Variants in ELL2 observed in about 807,000 individuals in gnomAD.
ELL2 encodes the protein elongation factor for RNA polymerase II 2, also known as RNA polymerase II elongation factor ELL2.
ELL2 carries 21 observed loss-of-function variants against 72.8 expected under a neutral mutation model. That is an observed-to-expected ratio of 0.29 (90% CI 0.20 to 0.42). The LOEUF is 0.42. Ranked by LOEUF, ELL2 falls within the 10% of genes least tolerant of loss-of-function variation. The pLI, the probability that ELL2 is intolerant of heterozygous loss-of-function variation, is 1.00. For missense variants in ELL2, 568 were observed against 772.8 expected, an observed-to-expected ratio of 0.73 and a Z score of 3.14; for synonymous variants, 266 against 283.2, an observed-to-expected ratio of 0.94 and a Z score of 0.61.
At chr5:95,930,270 G>A (rs10043782) in intron 2 of ELL2, among the ~76,000 whole-genome samples, 1 of 152,094 alleles carries the variant, frequency 6.6e-6, no homozygotes, top group African/African-American at 2.4e-5. Flanking sequence ...CTTGAGCAAC[G>A]TTCTTTTGCA....
At position 95,906,574 on chromosome 5, in the gene ELL2, T is replaced by C. The variant is rs201293119; in HGVS notation, c.690A>G (p.Lys230=). The change falls in exon 5 of 12, where the codon AAA becomes AAG. Residue 230 remains lysine (K), a synonymous_variant. Transcript: ENST00000237853. ...TCTTGTCTTTTTGATTGACACCATC[T>C]TTCTGGAGTCTAGCAAGTAGCTCCG... is the stretch of plus-strand genomic sequence containing the variant. The part of the protein sequence containing the change: ...KKPELLARLQ[K]DGVNQKDKNS... 48 of 1,614,078 alleles carry C rather than the reference T, an allele frequency of 3.0e-5. 1 individual carries two copies. In the Admixed American group the frequency reaches 4.7e-4, roughly 16 times the overall value.
At position 95,932,534 on chromosome 5, in the gene ELL2, A is replaced by G. The variant is rs575778515; in HGVS notation, c.195+10468T>C. ...TGCTTATCTTTTAGATAGTTATTTA[A>G]TTCTGCTAGGAGGTAGAACCACATA... On this transcript the variant is annotated intron_variant, in intron 2 of 11. Transcript: ENST00000237853. 2.6e-5 allele frequency: 4 copies of G among 152,338 alleles called. No homozygotes were observed. In the East Asian group the frequency reaches 7.7e-4, roughly 29 times the overall value. 9.4% of individuals were successfully genotyped at this position (152,338 alleles called of 1,614,324 possible). A position where few individuals can be genotyped will look rare whatever the true frequency, so the allele number is the denominator to read the frequency against.
intron 2 of ELL2, among the ~76,000 whole-genome samples, chr5:95,934,830 G>A (rs532027774): frequency 4.6e-5 from 7 of 152,062 alleles, no homozygotes; most frequent in Admixed American, 2.0e-4. Context: ...TATGTTTCTC[G>A]AACAATTAGG....
intron 9 of ELL2, among the ~76,000 whole-genome samples, chr5:95,892,577 G>A (rs954826144): frequency 7.2e-5 from 11 of 152,162 alleles, no homozygotes; most frequent in Non-Finnish European, 1.6e-4. Flanking sequence ...AATAAAAATT[G>A]AGATTTCAAA....
intron 2 of ELL2, among the ~76,000 whole-genome samples, chr5:95,926,174 G>A (rs1317478061): frequency 2.7e-4 from 41 of 149,312 alleles, no homozygotes; most frequent in Admixed American, 5.3e-4. Flanking sequence ...GGGTTGAGGG[G>A]AGAAAAAAAA....
chr5:95,896,102 A>AAT (rs1231243815), intron 8 of ELL2, among the ~76,000 whole-genome samples: 2 of 152,230 alleles, frequency 1.3e-5, no homozygotes, highest in African/African-American at 4.8e-5. Flanking sequence ...CGGATGAGAC[A>AAT]ATAGAGTCAG....
chr5:95,920,529 C>T (rs904411639), intron 2 of ELL2, among the ~76,000 whole-genome samples: 1 of 151,768 alleles, frequency 6.6e-6, no homozygotes, highest in African/African-American at 2.4e-5. Flanking sequence ...GATGTATTTT[C>T]TACACTCTTG....
At chr5:95,907,891 G>A (rs1455796975) in intron 4 of ELL2, among the ~76,000 whole-genome samples, 1 of 152,216 alleles carries the variant, frequency 6.6e-6, no homozygotes, top group Admixed American at 6.5e-5. Context: ...ACAGCTCACT[G>A]GGGCAGGAGC....
At chr5:95,957,223 TC>T (rs1284151632) in intron 1 of ELL2, among the ~76,000 whole-genome samples, 1 of 152,210 alleles carries the variant, frequency 6.6e-6, no homozygotes, top group East Asian at 1.9e-4. Flanking sequence ...TACTCAAACA[TC>T]AAAATAAAGC....
chr5:95,961,427 C>T, intron 1 of ELL2, 148 bp downstream of exon 1: 1 of 1,007,820 alleles, frequency 9.9e-7, no homozygotes, highest in Admixed American at 4.4e-5. Flanking sequence ...GTCAGCCACC[C>T]TGCCCGGCCC....
intron 2 of ELL2, among the ~76,000 whole-genome samples, chr5:95,933,180 A>C (rs999486266): frequency 6.6e-6 from 1 of 152,216 alleles, no homozygotes; most frequent in Non-Finnish European, 1.5e-5. Context: ...AGCTGTGGGA[A>C]TATAAGGCAG....
At chr5:95,932,206 G>A (rs1750627135) in intron 2 of ELL2, among the ~76,000 whole-genome samples, 1 of 152,076 alleles carries the variant, frequency 6.6e-6, no homozygotes, top group Non-Finnish European at 1.5e-5. Context: ...AATTTCACAT[G>A]TATAAAGCTA....
At chr5:95,952,234 A>G (rs899520252) in intron 1 of ELL2, among the ~76,000 whole-genome samples, 8 of 152,212 alleles carry the variant, frequency 5.3e-5, no homozygotes, top group Admixed American at 2.0e-4. Flanking sequence ...GTTTGCATTT[A>G]TAAGTGAGAG....
chr5:95,913,836 G>A lies in ELL2; in HGVS notation c.416C>T (p.Thr139Ile). 2 of 1,613,336 alleles carry A rather than the reference G, an allele frequency of 1.2e-6. No individual in the cohort carries two copies. The highest frequency in any genetic ancestry group is 1.7e-6 in the Non-Finnish European group (2 of 1,179,678). ...GTTGCGGGATTCCTCCTCTGCCTGG[G>A]TCATTCTTTCTCGTGTCATCTGATA... ...DSYQMTRERM[T>I]QAEEESRNRS... The change falls in exon 4 of 12, where the codon ACC becomes ATC. Residue 139 changes from threonine (T) to isoleucine (I), a missense_variant. Coordinates refer to ENST00000237853, the MANE Select transcript of ELL2 (RefSeq NM_012081.6).
chr5:95,903,680 A>T (rs1341586070), intron 5 of ELL2, among the ~76,000 whole-genome samples: 1 of 152,190 alleles, frequency 6.6e-6, no homozygotes, highest in East Asian at 1.9e-4. Flanking sequence ...AATACCCAAT[A>T]TATATGCTGC....
intron 2 of ELL2, among the ~76,000 whole-genome samples, chr5:95,939,041 A>G (rs1750878880): frequency 6.6e-6 from 1 of 152,202 alleles, no homozygotes; most frequent in Admixed American, 6.5e-5. Context: ...TTCAGATTTT[A>G]TCTCAATTAT....
At chr5:95,938,564 A>C (rs1384215823) in intron 2 of ELL2, among the ~76,000 whole-genome samples, 4 of 152,064 alleles carry the variant, frequency 2.6e-5, no homozygotes, top group Non-Finnish European at 5.9e-5. Flanking sequence ...CTCTACAACA[A>C]CAACAAAAAA....
chr5:95,901,363 T>TA (rs1749132383), intron 5 of ELL2, among the ~76,000 whole-genome samples: 1 of 152,212 alleles, frequency 6.6e-6, no homozygotes, highest in East Asian at 1.9e-4. Flanking sequence ...GTGAAGATTT[T>TA]AAAAAAATCA....
chr5:95,936,346 C>G lies in ELL2; in HGVS notation c.195+6656G>C, dbSNP rs528366793. Among the ~76,000 whole-genome samples the G allele has an allele frequency of 1.5e-4, 23 of 152,306 alleles. No individual in the cohort carries two copies. The East Asian group carries it at 4.4e-3, about 29-fold the overall frequency. ...CCTATATATATGTATAGTCTCCAAACATTGTTATGACAGTGAATCGAGCTA... is the reference window on the plus strand; with the variant it reads ...CCTATATATATGTATAGTCTCCAAAGATTGTTATGACAGTGAATCGAGCTA... On this transcript the variant is annotated intron_variant, in intron 2 of 11. Transcript: ENST00000237853.
Sources: allele counts gnomAD v4.1 joint callset (sites outside exome capture counted in the v4.1 genomes callset), GRCh38; gene constraint gnomAD v4.1.1; transcripts MANE v1.5; gene names NCBI Gene and HGNC (gene_info 2026-07-23, HGNC 2026-07-21).